The following IMMP2L variants were observed in gnomAD, a reference collection of about 807,000 sequenced individuals.
IMMP2L encodes inner mitochondrial membrane peptidase subunit 2.
Under a neutral mutation model 19.3 loss-of-function variants are expected in IMMP2L, and 18 were observed. The ratio of observed to expected loss-of-function variants is 0.93; its 90% CI spans 0.64 to 1.38. The LOEUF is 1.38. Ranked by LOEUF, IMMP2L falls within the 40% of genes most tolerant of loss-of-function variation. The pLI, the probability that IMMP2L is intolerant of heterozygous loss-of-function variation, is 0.00. For synonymous variants in IMMP2L, 76 were observed against 73.0 expected (o/e 1.04, Z -0.21); for missense variants, 233 against 218.2 (o/e 1.07, Z -0.43).
intron 3 of IMMP2L, among the ~76,000 whole-genome samples, chr7:111,277,587 C>G (rs1027627080): frequency 2.0e-5 from 3 of 146,774 alleles, no homozygotes; most frequent in Non-Finnish European, 4.5e-5. Context: ...AAAAAAAAGT[C>G]TGAAAACAAC....
At chr7:111,417,950 A>G (rs1345172014) in intron 3 of IMMP2L, among the ~76,000 whole-genome samples, 2 of 151,830 alleles carry the variant, frequency 1.3e-5, no homozygotes, top group East Asian at 1.9e-4. Flanking sequence ...ATACAGCTCA[A>G]TTATCAATAA....
At chr7:111,205,144 G>T (rs766491599) in intron 3 of IMMP2L, among the ~76,000 whole-genome samples, 1 of 152,132 alleles carries the variant, frequency 6.6e-6, no homozygotes, top group Non-Finnish European at 1.5e-5. Context: ...TCACATGGCA[G>T]AGGTGGAAAG....
At chr7:110,774,930 G>C (rs1206677887) in intron 5 of IMMP2L, among the ~76,000 whole-genome samples, 1 of 151,956 alleles carries the variant, frequency 6.6e-6, no homozygotes, top group Non-Finnish European at 1.5e-5. Context: ...AAACTCCTTA[G>C]TGTAAAAAAA....
Position 110,728,470 on chromosome 7 carries a change from G to C in IMMP2L, c.409-64749C>G, listed in dbSNP as rs10266450. On this transcript the variant is annotated intron_variant, in intron 5 of 5. Coordinates refer to ENST00000405709, the MANE Select transcript of IMMP2L (RefSeq NM_032549.4). This position sits in a 1 kb window ranked among gnomAD's most constrained non-coding sequence, Gnocchi z 4.6. ...GCCATTATCACATCACTGTACTCCAGCCTGGGCAACAGAGTGAGACTCCGT... is the reference window on the plus strand; with the variant it reads ...GCCATTATCACATCACTGTACTCCACCCTGGGCAACAGAGTGAGACTCCGT... 0.37 allele frequency among the ~76,000 whole-genome samples: 56,687 copies of C among 151,998 alleles called. 12,365 individuals are homozygous for C. The highest frequency in any genetic ancestry group is 0.64 in the East Asian group (3,293 of 5,164).
chr7:110,884,235 T>A (rs1289796438), intron 5 of IMMP2L, among the ~76,000 whole-genome samples: 1 of 151,832 alleles, frequency 6.6e-6, no homozygotes, highest in Admixed American at 6.6e-5. Context: ...CAATAGAAAA[T>A]GTATTTATCT....
intron 5 of IMMP2L, among the ~76,000 whole-genome samples, chr7:110,716,884 C>A (rs1417816298): frequency 6.6e-6 from 1 of 152,084 alleles, no homozygotes; most frequent in Non-Finnish European, 1.5e-5. Context: ...AAAGTCAAAG[C>A]AATTCTCAGG....
chr7:111,226,239 G>A (rs933927050), intron 3 of IMMP2L, among the ~76,000 whole-genome samples: 1 of 151,552 alleles, frequency 6.6e-6, no homozygotes, highest in Non-Finnish European at 1.5e-5. Context: ...CTGCAGTCTC[G>A]ACCTCCCAGA....
chr7:110,973,993 T>C lies in IMMP2L; in HGVS notation c.240-10428A>G, dbSNP rs576926349. ...AAATTTGCATGGGTCCTGATAGCTA[T>C]GTGGTTCCCACAGCTGAAGCTTAAT... On this transcript the variant is annotated intron_variant, in intron 3 of 5. Coordinates refer to ENST00000405709, the MANE Select transcript of IMMP2L (RefSeq NM_032549.4). 2.0e-5 allele frequency among the ~76,000 whole-genome samples: 3 copies of C among 152,254 alleles called. No homozygotes were observed. The East Asian group carries it at 5.8e-4, about 29-fold the overall frequency.
chr7:111,131,016 T>TA (rs902452818), intron 3 of IMMP2L, among the ~76,000 whole-genome samples: 1 of 151,804 alleles, frequency 6.6e-6, no homozygotes, highest in Non-Finnish European at 1.5e-5. Flanking sequence ...TTCAAGATTT[T>TA]AAAAAAAATT....
At chr7:111,325,226 T>A (rs1283955892) in intron 3 of IMMP2L, among the ~76,000 whole-genome samples, 2 of 151,744 alleles carry the variant, frequency 1.3e-5, no homozygotes, top group African/African-American at 4.8e-5. Flanking sequence ...CTTTTTAAAA[T>A]AATGTTTAAC....
At chr7:110,944,765 C>T (rs545375192) in intron 4 of IMMP2L, among the ~76,000 whole-genome samples, 3 of 151,838 alleles carry the variant, frequency 2.0e-5, no homozygotes, top group East Asian at 1.9e-4. Context: ...TACTCATATA[C>T]AAGTGTATGG....
At chr7:111,251,248 A>G (rs1007867617) in intron 3 of IMMP2L, among the ~76,000 whole-genome samples, 2 of 152,194 alleles carry the variant, frequency 1.3e-5, no homozygotes, top group South Asian at 4.1e-4. Flanking sequence ...TCAAGAAACA[A>G]CAAATGATGG....
chr7:111,448,788 T>A, intron 3 of IMMP2L, among the ~76,000 whole-genome samples: 2 of 100,766 alleles, frequency 2.0e-5, no homozygotes, highest in African/African-American at 7.9e-5. Context: ...TTTGAAAGGA[T>A]CAACAAAATT....
At chr7:111,228,557 A>G (rs1813354910) in intron 3 of IMMP2L, among the ~76,000 whole-genome samples, 1 of 152,084 alleles carries the variant, frequency 6.6e-6, no homozygotes, top group African/African-American at 2.4e-5. Context: ...CACAGGTCCC[A>G]TCTCTCAAGT....
At chr7:110,878,732 T>C (rs1289034757) in intron 5 of IMMP2L, among the ~76,000 whole-genome samples, 1 of 151,774 alleles carries the variant, frequency 6.6e-6, no homozygotes, top group Non-Finnish European at 1.5e-5. Context: ...AACTGAAAAA[T>C]AACAGCTTGG....
At chr7:111,406,299 T>C (rs867081556) in intron 3 of IMMP2L, among the ~76,000 whole-genome samples, 11 of 152,006 alleles carry the variant, frequency 7.2e-5, no homozygotes, top group Non-Finnish European at 1.2e-4. Context: ...AAAGTACATC[T>C]TTAAAATATA....
intron 2 of IMMP2L, among the ~76,000 whole-genome samples, chr7:111,518,782 G>A (rs1846088895): frequency 1.3e-5 from 2 of 152,032 alleles, no homozygotes; most frequent in South Asian, 4.1e-4. Flanking sequence ...CCTAGAGTTG[G>A]TCTCAAATTC....
intron 5 of IMMP2L, among the ~76,000 whole-genome samples, chr7:110,776,845 A>C (rs1799422760): frequency 6.6e-6 from 1 of 151,630 alleles, no homozygotes; most frequent in Non-Finnish European, 1.5e-5. Flanking sequence ...CTTACTTTAT[A>C]CCTCCCACTG....
chr7:111,252,049 G>C (rs976862980), intron 3 of IMMP2L, among the ~76,000 whole-genome samples: 7 of 151,508 alleles, frequency 4.6e-5, no homozygotes, highest in Non-Finnish European at 1.0e-4. Flanking sequence ...AAAAGAAACA[G>C]ATTTTGCTTT....
Sources: gnomAD v4.1 joint callset for allele counts (sites outside exome capture counted in the v4.1 genomes callset) on GRCh38, gnomAD v4.1.1 for gene constraint, Gnocchi (gnomAD v3.1) non-coding constraint, MANE v1.5 for transcripts, NCBI Gene and HGNC (gene_info 2026-07-23, HGNC 2026-07-21) for gene names.